The following LPIN1 variants were observed in gnomAD, a reference collection of about 807,000 sequenced individuals.
The protein encoded by LPIN1 is lipin 1.
A neutral mutation model predicts 107.5 loss-of-function variants in LPIN1; 71 were observed. The observed-to-expected ratio is 0.66, with a 90% CI of 0.55 to 0.80. The LOEUF is 0.80. Among genes scored for constraint, LPIN1 ranks in the 30% least tolerant of loss-of-function variants. The pLI is 0.00. For synonymous variants in LPIN1, 445 were observed against 452.6 expected (o/e 0.98, Z 0.21); for missense variants, 1,043 against 1,160.6 (o/e 0.90, Z 1.47).
At chr2:11,744,383 TG>T (rs1666682167), upstream of LPIN1, among the ~76,000 whole-genome samples, 1 of 152,228 alleles carries the variant, frequency 6.6e-6, no homozygotes, top group Admixed American at 6.5e-5. Context: ...GTTTATCGCC[TG>T]GGAGTGCACT....
chr2:11,810,458 G>A (rs1039200310), intron 17 of LPIN1, among the ~76,000 whole-genome samples: 1 of 152,172 alleles, frequency 6.6e-6, no homozygotes, highest in South Asian at 2.1e-4. Flanking sequence ...AGACGGTGGG[G>A]TGGGTAAAAG....
chr2:11,701,833 T>G (rs924970756), intron 1 of LPIN1, among the ~76,000 whole-genome samples: 3 of 152,240 alleles, frequency 2.0e-5, no homozygotes, highest in Non-Finnish European at 4.4e-5. Context: ...TATCCGTGGG[T>G]GTAGCCGGGG....
Position 11,776,146 on chromosome 2 carries a change from G to T in LPIN1, c.783G>T (p.Leu261=). ...PHLAVAAEGG[L]SSSCPPQSSL... ...TTGCAGTTGCGGCCGAGGGAGGTCT[G>T]TCTAGTTCTTGCCCTCCACAGTCTT... is the stretch of plus-strand genomic sequence containing the variant. Residue 261 remains leucine (L), a synonymous_variant, in exon 6 of 21, where the codon CTG becomes CTT. Transcript: ENST00000674199. The T allele has an allele frequency of 6.5e-7, 1 of 1,547,946 alleles. No homozygotes were observed. The highest frequency in any genetic ancestry group is 8.7e-7 in the Non-Finnish European group (1 of 1,145,136).
upstream of LPIN1, among the ~76,000 whole-genome samples, chr2:11,744,293 T>C (rs1490900095): frequency 6.6e-6 from 1 of 152,198 alleles, no homozygotes; most frequent in Admixed American, 6.5e-5. Flanking sequence ...TGGTTGCTGA[T>C]AGCACAGCCA....
At chr2:11,804,725 T>G (rs1678350581) in intron 16 of LPIN1, among the ~76,000 whole-genome samples, 154 bp downstream of exon 16, 1 of 152,220 alleles carries the variant, frequency 6.6e-6, no homozygotes, top group South Asian at 2.1e-4. Flanking sequence ...AGCTCCTTGG[T>G]GGCAATCATT....
intron 1 of LPIN1, among the ~76,000 whole-genome samples, chr2:11,763,665 C>T (rs1008904927): frequency 3.3e-5 from 5 of 152,032 alleles, no homozygotes; most frequent in South Asian, 2.1e-4. Context: ...TTCCAGAATC[C>T]GATGGCTTCA....
intron 1 of LPIN1, among the ~76,000 whole-genome samples, chr2:11,763,901 TCCTTGATCATAACTC>T (rs1670266318): frequency 6.6e-6 from 1 of 151,526 alleles, no homozygotes. Flanking sequence ...GCACCTTCTT[TCCTTGATCATAACTC>T]CCTTAGTGTT....
chr2:11,814,512 A>ATGTGTGTG lies in LPIN1; in HGVS notation c.2250-545_2250-538dup, dbSNP rs71394769. Among the ~76,000 whole-genome samples the ATGTGTGTG allele has an allele frequency of 3.0e-3, 420 of 138,528 alleles. 1 individual carries two copies. Among genetic ancestry groups the ATGTGTGTG allele is most frequent in the African/African-American group, 9.0e-3 (335 of 37,084 alleles). 90.9% of individuals were successfully genotyped at this position (138,528 alleles called of 152,430 possible). A position where few individuals can be genotyped will look rare whatever the true frequency, so the allele number is the denominator to read the frequency against. ...ACTAAGGATGTTTTGGTGTGTGTGCATGTGTGTGTGTGTGTGTGTGTGTGT... is the reference window on the plus strand; with the variant it reads ...ACTAAGGATGTTTTGGTGTGTGTGCATGTGTGTGTGTGTGTGTGTGTGTGTGTGTGTGT... On this transcript the variant is annotated intron_variant, in intron 17 of 20. Coordinates refer to ENST00000674199, the MANE Select transcript of LPIN1 (RefSeq NM_001349206.2).
At chr2:11,700,408 A>G (rs4622687) in intron 1 of LPIN1, among the ~76,000 whole-genome samples, 112,629 of 151,954 alleles carry the variant, frequency 0.74, 44,121 homozygotes, top group South Asian at 0.89. Context: ...GACCTTCACA[A>G]CCTGTCTCAT....
chr2:11,794,823 C>T (rs970787210), intron 13 of LPIN1, among the ~76,000 whole-genome samples: 10 of 152,172 alleles, frequency 6.6e-5, no homozygotes, highest in Non-Finnish European at 1.2e-4. Context: ...TCACCCGTTT[C>T]ACAGATGAGG....
At chr2:11,794,833 G>T (rs1401709122) in intron 13 of LPIN1, among the ~76,000 whole-genome samples, 1 of 152,160 alleles carries the variant, frequency 6.6e-6, no homozygotes, top group Non-Finnish European at 1.5e-5. Context: ...CACAGATGAG[G>T]AAGCGAAGTT....
intron 6 of LPIN1, among the ~76,000 whole-genome samples, chr2:11,778,841 CT>C (rs1285697304): frequency 6.6e-6 from 1 of 152,134 alleles, no homozygotes; most frequent in Non-Finnish European, 1.5e-5. Context: ...TTGTTTGGGT[CT>C]TCAGAGTAAA....
upstream of LPIN1, chr2:11,746,514 G>A (rs1378936324): frequency 6.8e-6 from 2 of 295,876 alleles, no homozygotes; most frequent in Non-Finnish European, 1.0e-5. Context: ...AAGCAGCCGG[G>A]CCACCAGCGC....
intron 2 of LPIN1, among the ~76,000 whole-genome samples, chr2:11,714,718 G>T (rs1341057432): frequency 6.6e-6 from 1 of 152,224 alleles, no homozygotes; most frequent in African/African-American, 2.4e-5. Context: ...CAGGGTAGAA[G>T]TGATGACGCT....
intron 8 of LPIN1, among the ~76,000 whole-genome samples, chr2:11,782,751 G>A (rs1394646299): frequency 6.6e-6 from 1 of 152,166 alleles, no homozygotes; most frequent in East Asian, 1.9e-4. Flanking sequence ...GAGGCTGCTC[G>A]CTGAGACCTG....
At position 11,759,151 on chromosome 2, in the gene LPIN1, T is replaced by TTCTG. The variant is rs1319214631; in HGVS notation, c.-9-6379_-9-6378insGTCT. Among the ~76,000 whole-genome samples, 12 of 147,332 alleles carry TTCTG rather than the reference T, an allele frequency of 8.1e-5. No homozygotes were observed. In the South Asian group the frequency reaches 2.4e-3, roughly 29 times the overall value. ...TTCTTTCTTTTCTTTCTTTCTTTCT[T>TTCTG]TCTTTCTTTCTTTCTTTCTTTCTTT... is the stretch of plus-strand genomic sequence containing the variant. On this transcript the variant is annotated intron_variant, in intron 1 of 20. Coordinates refer to ENST00000674199, the MANE Select transcript of LPIN1 (RefSeq NM_001349206.2).
At chr2:11,759,923 CG>C (rs1669445085) in intron 1 of LPIN1, among the ~76,000 whole-genome samples, 1 of 125,104 alleles carries the variant, frequency 8.0e-6, no homozygotes, top group Non-Finnish European at 1.8e-5. Context: ...ACTTCCCAGA[CG>C]GGGCGGCTGC....
chr2:11,773,491 C>G, intron 4 of LPIN1, 129 bp from the exon 5 acceptor site: 1 of 794,902 alleles, frequency 1.3e-6, no homozygotes, highest in Non-Finnish European at 2.1e-6. Flanking sequence ...CTGCCTGGAA[C>G]AGATCTGGGT....
chr2:11,690,026 T>C (rs756682913), intron 1 of LPIN1, among the ~76,000 whole-genome samples: 10 of 152,368 alleles, frequency 6.6e-5, no homozygotes, highest in East Asian at 1.9e-4. Flanking sequence ...TTGAAAACCA[T>C]TGGGTACACC....
Sources: gnomAD v4.1 joint callset for allele counts (sites outside exome capture counted in the v4.1 genomes callset) on GRCh38, gnomAD v4.1.1 for gene constraint, MANE v1.5 for transcripts, NCBI Gene and HGNC (gene_info 2026-07-23, HGNC 2026-07-21) for gene names.